CSMD1: variants seen among roughly 807,000 people sequenced by gnomAD.
CSMD1 encodes the protein CUB and sushi domain-containing protein 1.
A neutral mutation model predicts 417.5 loss-of-function variants in CSMD1; 213 were observed. That is an observed-to-expected ratio of 0.51 (90% CI 0.46 to 0.57). The LOEUF (loss-of-function observed/expected upper bound fraction) is 0.57. Ranked by LOEUF, CSMD1 falls within the 20% of genes least tolerant of loss-of-function variation. The pLI is 0.00. For missense variants in CSMD1, 6,923 were observed against 4,529.7 expected (o/e 1.53, Z -15.17); for synonymous variants, 2,862 against 1,736.8 (o/e 1.65, Z -16.11).
rs1366854404 is a variant in CSMD1, at chr8:3,223,048, C to T, written c.4484+681G>A. Among the ~76,000 whole-genome samples the T allele has an allele frequency of 2.6e-5, 4 of 152,182 alleles. No homozygotes were observed. The East Asian group carries it at 7.7e-4, about 29-fold the overall frequency. The stretch of plus-strand genomic sequence containing the variant: ...GAATGACTCACCTTCATAAACAACA[C>T]ATTCATTTAGTTCAAAAGTCAAAGT... On this transcript the variant is annotated intron_variant, in intron 28 of 69. Transcript: ENST00000635120.
chr8:4,616,508 C>T (rs1007655635), intron 2 of CSMD1, among the ~76,000 whole-genome samples: 1 of 152,196 alleles, frequency 6.6e-6, no homozygotes, highest in African/African-American at 2.4e-5. Flanking sequence ...CTCTAAATCA[C>T]ACCAAATACA....
chr8:3,107,668 TA>T (rs773160681), intron 45 of CSMD1, 49 bp downstream of exon 45: 26 of 1,064,022 alleles, frequency 2.4e-5, no homozygotes, highest in East Asian at 7.6e-5. Context: ...GAAGTGGGTG[TA>T]AAAAAATGTC....
At chr8:4,003,987 G>C (rs557333534) in intron 4 of CSMD1, among the ~76,000 whole-genome samples, 15 of 152,008 alleles carry the variant, frequency 9.9e-5, no homozygotes, top group East Asian at 1.9e-4. Context: ...CAGAGACTCA[G>C]AAAATATATG....
rs185756610 is a variant in CSMD1 at position 3,954,682 on chromosome 8, A to T, written c.818+43221T>A. Among the ~76,000 whole-genome samples the T allele has an allele frequency of 1.9e-4, 29 of 151,852 alleles. No homozygotes were observed. In the East Asian group the frequency reaches 5.7e-3, roughly 30 times the overall value. ...TGGCCGGATCCCAGGACTTGTATAG[A>T]CTCCCCTCTTTCCCATGATTCTTCC... On this transcript the variant is annotated intron_variant, in intron 5 of 69. Coordinates refer to ENST00000635120, the MANE Select transcript of CSMD1 (RefSeq NM_033225.6).
At chr8:4,226,477 A>T (rs1801364482) in intron 3 of CSMD1, among the ~76,000 whole-genome samples, 1 of 152,196 alleles carries the variant, frequency 6.6e-6, no homozygotes, top group South Asian at 2.1e-4. Flanking sequence ...GCAATTTAGA[A>T]ATTTTACAGG....
intron 5 of CSMD1, among the ~76,000 whole-genome samples, chr8:3,972,445 A>C (rs1056804431): frequency 2.0e-5 from 3 of 152,220 alleles, no homozygotes; most frequent in Middle Eastern, 6.3e-3. Flanking sequence ...AGGTCTTTGT[A>C]AACAGTGATT....
intron 4 of CSMD1, among the ~76,000 whole-genome samples, chr8:4,002,261 G>C (rs1037141586): frequency 1.3e-5 from 2 of 151,748 alleles, no homozygotes; most frequent in African/African-American, 4.8e-5. Context: ...GTATGTGTGT[G>C]TTTGTGTTTG....
intron 10 of CSMD1, among the ~76,000 whole-genome samples, chr8:3,554,113 A>C (rs77888728): frequency 0.035 from 5,316 of 152,340 alleles, 329 homozygotes; most frequent in African/African-American, 0.12. Context: ...TATTTAATGC[A>C]TGTCTAAGCT....
At chr8:3,479,375 G>T (rs1389154550) in intron 11 of CSMD1, among the ~76,000 whole-genome samples, 2 of 152,130 alleles carry the variant, frequency 1.3e-5, no homozygotes, top group African/African-American at 4.8e-5. Context: ...CCGCCTCCTG[G>T]GTTCAAGTGA....
intron 5 of CSMD1, among the ~76,000 whole-genome samples, chr8:3,839,968 G>T (rs1318739944): frequency 1.3e-5 from 2 of 152,076 alleles, no homozygotes; most frequent in Non-Finnish European, 2.9e-5. Context: ...CTGAAGCATT[G>T]GGTGAGATGT....
At chr8:4,406,834 G>A (rs1342734552) in intron 3 of CSMD1, among the ~76,000 whole-genome samples, 1 of 152,180 alleles carries the variant, frequency 6.6e-6, no homozygotes, top group Non-Finnish European at 1.5e-5. Flanking sequence ...GTCAGTTACA[G>A]CAAAACTATT....
intron 3 of CSMD1, among the ~76,000 whole-genome samples, chr8:4,345,778 T>C (rs1472248944): frequency 6.6e-6 from 1 of 152,064 alleles, no homozygotes; most frequent in Non-Finnish European, 1.5e-5. Flanking sequence ...CCCGTTAAAA[T>C]GCTAATTCTT....
At chr8:3,708,702 G>A (rs576325480) in intron 6 of CSMD1, among the ~76,000 whole-genome samples, 32 of 152,288 alleles carry the variant, frequency 2.1e-4, no homozygotes, top group African/African-American at 7.7e-4. Context: ...ACATCTTACA[G>A]CATCAGTGTC....
intron 1 of CSMD1, among the ~76,000 whole-genome samples, chr8:4,682,435 G>T (rs961795452): frequency 6.6e-6 from 1 of 151,876 alleles, no homozygotes; most frequent in Admixed American, 6.6e-5. Context: ...TCGATGATTT[G>T]CTATGAATTT....
At chr8:3,645,915 C>G (rs1359046448) in intron 7 of CSMD1, among the ~76,000 whole-genome samples, 1 of 151,878 alleles carries the variant, frequency 6.6e-6, no homozygotes, top group Non-Finnish European at 1.5e-5. Flanking sequence ...AAATGTTTCC[C>G]CTTTAACTCT....
intron 7 of CSMD1, among the ~76,000 whole-genome samples, chr8:3,694,239 G>A (rs938806563): frequency 6.6e-6 from 1 of 152,056 alleles, no homozygotes; most frequent in African/African-American, 2.4e-5. Context: ...CCATAGCTCT[G>A]TCATGGAGTC....
chr8:4,537,591 GC>G (rs1237860023), intron 2 of CSMD1, among the ~76,000 whole-genome samples: 5 of 152,126 alleles, frequency 3.3e-5, no homozygotes, highest in African/African-American at 1.2e-4. Context: ...CGTGGCCTGG[GC>G]TTTTCTCGGA....
chr8:3,669,355 C>A (rs1563253622), intron 7 of CSMD1, among the ~76,000 whole-genome samples: 1 of 152,152 alleles, frequency 6.6e-6, no homozygotes, highest in Non-Finnish European at 1.5e-5. Flanking sequence ...TCAGAGCCTG[C>A]CTTGGGCGGG....
At chr8:3,887,320 T>C (rs1024554631) in intron 5 of CSMD1, among the ~76,000 whole-genome samples, 4 of 152,286 alleles carry the variant, frequency 2.6e-5, no homozygotes, top group African/African-American at 9.6e-5. Flanking sequence ...CAGGTGATAG[T>C]TTCTGAGACG....
Sources: gnomAD v4.1 joint callset for allele counts (sites outside exome capture counted in the v4.1 genomes callset) on GRCh38, gnomAD v4.1.1 for gene constraint, MANE v1.5 for transcripts, NCBI Gene and HGNC (gene_info 2026-07-23, HGNC 2026-07-21) for gene names.